Variants in TIAM2 observed in about 807,000 individuals in gnomAD.
The protein encoded by TIAM2 is TIAM Rac1 associated GEF 2.
TIAM2 carries 80 observed loss-of-function variants against 152.9 expected under a neutral mutation model. The ratio of observed to expected loss-of-function variants is 0.52; its 90% CI spans 0.44 to 0.63. TIAM2 has a LOEUF of 0.63. Ranked by LOEUF, TIAM2 falls within the 30% of genes least tolerant of loss-of-function variation. TIAM2 has a pLI of 0.00. For synonymous variants in TIAM2, 804 were observed against 838.0 expected (o/e 0.96, Z 0.70); for missense variants, 1,965 against 2,120.1 (o/e 0.93, Z 1.44).
At chr6:155,211,894 C>T (rs1253646821) in intron 15 of TIAM2, among the ~76,000 whole-genome samples, 1 of 152,106 alleles carries the variant, frequency 6.6e-6, no homozygotes, top group Admixed American at 6.5e-5. Flanking sequence ...CTTTCAACTC[C>T]CTCATAACTT....
chr6:155,088,930 G>T (rs930161426), intron 1 of TIAM2, among the ~76,000 whole-genome samples: 6 of 152,148 alleles, frequency 3.9e-5, no homozygotes, highest in Non-Finnish European at 5.9e-5. Context: ...CCTAAAGTCT[G>T]CATTCTTTAT....
chr6:155,179,134 G>A lies in TIAM2; in HGVS notation c.2619G>A (p.Met873Ile). 6.2e-7 allele frequency: 1 copy of A among 1,612,730 alleles called. No homozygotes were observed. The highest frequency in any genetic ancestry group is 8.5e-7 in the Non-Finnish European group (1 of 1,179,202). Residue 873 changes from methionine (M) to isoleucine (I), a missense_variant, in exon 11 of 27, where the codon ATG (methionine) becomes ATA (isoleucine). Around this residue, in one of 3 missense-constraint regions of TIAM2, gnomAD observed 1,025 missense variants for 1,119.4 expected, o/e 0.92. Transcript: ENST00000682666. ...EYCIPAPYEY[M>I]QQQVYDEIEV... ...GCATCCCTGCACCATATGAATATAT[G>A]CAACAACAGGTAAGTGTGCACTAGC...
chr6:155,236,997 A>C (rs923833018), intron 15 of TIAM2, among the ~76,000 whole-genome samples: 1 of 152,156 alleles, frequency 6.6e-6, no homozygotes, highest in Non-Finnish European at 1.5e-5. Context: ...CAAAGTCTCA[A>C]CTCATTTCAG....
At chr6:155,149,369 A>T (rs1309077469) in intron 7 of TIAM2, 1 of 167,042 alleles carries the variant, frequency 6.0e-6, no homozygotes, top group East Asian at 1.9e-4. Context: ...GGGAACTTGA[A>T]TGAGGAATGG....
intron 1 of TIAM2, among the ~76,000 whole-genome samples, chr6:155,072,963 A>C (rs539991322): frequency 4.6e-5 from 7 of 152,240 alleles, no homozygotes; most frequent in African/African-American, 1.4e-4. Context: ...ACTAAAGATG[A>C]ACTGTAGTCT....
chr6:155,202,545 A>C (rs1329031778), intron 14 of TIAM2, among the ~76,000 whole-genome samples: 1 of 149,708 alleles, frequency 6.7e-6, no homozygotes, highest in Non-Finnish European at 1.5e-5. Context: ...CAGCCTCCTG[A>C]GTGGCTGGGA....
intron 20 of TIAM2, among the ~76,000 whole-genome samples, chr6:155,248,443 TTC>T (rs1467681049): frequency 1.3e-5 from 2 of 152,226 alleles, no homozygotes; most frequent in Non-Finnish European, 2.9e-5. Context: ...GCAGGGATGA[TTC>T]TGTCTTCACT....
intron 14 of TIAM2, among the ~76,000 whole-genome samples, chr6:155,188,383 G>T (rs1781107315): frequency 6.6e-6 from 1 of 152,214 alleles, no homozygotes; most frequent in African/African-American, 2.4e-5. Flanking sequence ...ATCGTTGAGG[G>T]TTCAGTATGA....
chr6:155,106,303 C>A (rs1201334799), intron 2 of TIAM2, among the ~76,000 whole-genome samples: 1 of 152,054 alleles, frequency 6.6e-6, no homozygotes, highest in Admixed American at 6.6e-5. Context: ...CCATGCCCAG[C>A]CTTTTTGGGG....
chr6:155,082,823 ATACTT>A (rs1353558793), intron 1 of TIAM2, among the ~76,000 whole-genome samples: 1 of 152,068 alleles, frequency 6.6e-6, no homozygotes, highest in Non-Finnish European at 1.5e-5. Flanking sequence ...GAGCCTTACT[ATACTT>A]GGAGCTTTTA....
Position 155,257,631 on chromosome 6 carries a change from A to G in TIAM2, c.*510A>G, listed in dbSNP as rs1784153776. 2 of 592,450 alleles carry G rather than the reference A, an allele frequency of 3.4e-6. No individual in the cohort carries two copies. The allele number at this position is 592,450 out of a possible 1,614,324, so 36.7% of individuals were successfully genotyped here. A position where few individuals can be genotyped will look rare whatever the true frequency, so the allele number is the denominator to read the frequency against. ...TACTAAACATGTCATAACTATCTAT[A>G]CAGTATATATTAAAAGAAAGCTTGT... On this transcript the variant is annotated 3_prime_UTR_variant, in exon 27 of 27. Transcript: ENST00000682666.
At chr6:155,105,831 A>G (rs978420254) in intron 2 of TIAM2, among the ~76,000 whole-genome samples, 7 of 152,176 alleles carry the variant, frequency 4.6e-5, no homozygotes, top group East Asian at 1.9e-4. Flanking sequence ...GTGTATTCAC[A>G]TACTTAGAAT....
At chr6:155,234,866 A>C (rs1782664814) in intron 15 of TIAM2, among the ~76,000 whole-genome samples, 1 of 152,194 alleles carries the variant, frequency 6.6e-6, no homozygotes, top group Non-Finnish European at 1.5e-5. Flanking sequence ...GAGAGCCCTG[A>C]CCACATGGGA....
chr6:155,208,263 T>C (rs562388802), intron 14 of TIAM2, among the ~76,000 whole-genome samples: 7 of 152,340 alleles, frequency 4.6e-5, no homozygotes, highest in South Asian at 2.1e-4. Context: ...TAATGCACTT[T>C]TACATTGTAT....
intron 1 of TIAM2, among the ~76,000 whole-genome samples, chr6:154,999,338 G>A (rs907369317): frequency 6.6e-6 from 1 of 151,884 alleles, no homozygotes; most frequent in African/African-American, 2.4e-5. Flanking sequence ...AGCCTCCCGA[G>A]TAGCTGGGAT....
intron 1 of TIAM2, among the ~76,000 whole-genome samples, chr6:155,044,748 G>A (rs59172414): frequency 0.13 from 20,157 of 151,826 alleles, 1,682 homozygotes; most frequent in East Asian, 0.34. Context: ...GGAGGCAGAG[G>A]CTGCTGTGAG....
chr6:155,200,997 A>G (rs545590274), intron 14 of TIAM2, among the ~76,000 whole-genome samples: 15 of 152,310 alleles, frequency 9.8e-5, no homozygotes, highest in Admixed American at 9.8e-4. Flanking sequence ...CCTGGCAACT[A>G]TGAATCTACT....
In TIAM2 at chr6:155,153,621, C is replaced by CTTTT. The variant is rs35672714; in HGVS notation, c.2028+5304_2028+5307dup. ...GCAGGTTGTAAAGGAGCTGTTTACG[C>CTTTT]TTTTTTTTTTTTTTTTTTTTGACAG... is the stretch of plus-strand genomic sequence containing the variant. On this transcript the variant is annotated intron_variant, in intron 7 of 26. Coordinates refer to ENST00000682666, the MANE Select transcript of TIAM2 (RefSeq NM_012454.4). 1.7e-3 allele frequency among the ~76,000 whole-genome samples: 181 copies of CTTTT among 105,298 alleles called. 10 individuals are homozygous for CTTTT. Among genetic ancestry groups the CTTTT allele is most frequent in the African/African-American group, 3.5e-3 (96 of 27,386 alleles). The allele number at this position is 105,298 out of a possible 152,430, so 69.1% of individuals were successfully genotyped here.
In TIAM2 at chr6:155,183,404, CT is replaced by C; in HGVS notation, c.2969del (p.Leu990ArgfsTer44). 1 of 1,614,180 alleles carries C rather than the reference CT, an allele frequency of 6.2e-7. No homozygotes were observed. Among genetic ancestry groups the C allele is most frequent in the Non-Finnish European group, 8.5e-7 (1 of 1,180,022 alleles). On this transcript the variant is annotated frameshift_variant, in exon 14 of 27. Coordinates refer to ENST00000682666, the MANE Select transcript of TIAM2 (RefSeq NM_012454.4). LOFTEE classifies it high-confidence loss of function. ...GTGTACATCCTGGTCAGACAGTGAC[CT>C]GTTCTCCAGGGACCAGAAGAGTCTG... ...TLCTSWSDSD[L>X]FSRDQKSLLP...
Sources: allele counts gnomAD v4.1 joint callset (sites outside exome capture counted in the v4.1 genomes callset), GRCh38; gene constraint gnomAD v4.1.1; regional missense constraint gnomAD v4.1.1; transcripts MANE v1.5; gene names NCBI Gene and HGNC (gene_info 2026-07-23, HGNC 2026-07-21).